Variants in LINC01488 observed in about 807,000 individuals in gnomAD.
The protein encoded by LINC01488 is long independently transcribed non-coding RNA 1488.
chr11:69,484,213 G>A (rs1312302483), intron 1 of LINC01488, among the ~76,000 whole-genome samples: 2 of 152,210 alleles, frequency 1.3e-5, no homozygotes, highest in Non-Finnish European at 2.9e-5. Flanking sequence ...CCAAGAAACA[G>A]ACAGGCCAGG....
intron 1 of LINC01488, among the ~76,000 whole-genome samples, chr11:69,487,519 TC>T (rs1857144431): frequency 6.6e-6 from 1 of 152,214 alleles, no homozygotes; most frequent in African/African-American, 2.4e-5. Flanking sequence ...CTCCGCCCTG[TC>T]CTCAGGAAGG....
At chr11:69,485,039 C>T (rs1857092474) in intron 1 of LINC01488, among the ~76,000 whole-genome samples, 2 of 152,234 alleles carry the variant, frequency 1.3e-5, no homozygotes, top group African/African-American at 4.8e-5. Context: ...GCCACCACCA[C>T]TCACCCCACA....
chr11:69,487,263 C>T (rs896048087), intron 1 of LINC01488, among the ~76,000 whole-genome samples: 4 of 152,134 alleles, frequency 2.6e-5, no homozygotes, highest in African/African-American at 9.7e-5. Context: ...GAGAGAGGGG[C>T]CTGGAAAGCC....
At chr11:69,485,350 G>A (rs1342235959) in intron 1 of LINC01488, among the ~76,000 whole-genome samples, 1 of 152,220 alleles carries the variant, frequency 6.6e-6, no homozygotes, top group Admixed American at 6.5e-5. Flanking sequence ...GGGCTCAGGA[G>A]TTCTTGGAGT....
At chr11:69,485,864 G>A (rs1050169009) in intron 1 of LINC01488, 1 of 152,252 alleles carries the variant, frequency 6.6e-6, no homozygotes, top group Non-Finnish European at 1.5e-5. Flanking sequence ...CTGCAGGGGC[G>A]AGGTAGCAGG....
chr11:69,493,207 C>G (rs1264074414), exon 4 of LINC01488: 6 of 152,224 alleles, frequency 3.9e-5, no homozygotes, highest in Admixed American at 3.9e-4. Flanking sequence ...GGCATTTTAA[C>G]CAACACCAGG....
intron 1 of LINC01488, among the ~76,000 whole-genome samples, chr11:69,488,987 G>A (rs913510604): frequency 6.6e-6 from 1 of 152,244 alleles, no homozygotes; most frequent in Non-Finnish European, 1.5e-5. Context: ...TGGGAGAGAT[G>A]ATGGGAAATC....
chr11:69,487,125 G>A (rs541401911), intron 1 of LINC01488, among the ~76,000 whole-genome samples: 45 of 152,236 alleles, frequency 3.0e-4, no homozygotes, highest in Non-Finnish European at 6.0e-4. Flanking sequence ...GTATTTTGGG[G>A]GTGTCCCCTA....
intron 1 of LINC01488, among the ~76,000 whole-genome samples, chr11:69,482,761 T>A (rs1023159213): frequency 6.6e-6 from 1 of 152,234 alleles, no homozygotes; most frequent in African/African-American, 2.4e-5. Flanking sequence ...CAGATGTTTC[T>A]TCTTTCACCG....
chr11:69,490,929 A>C (rs1447492379), intron 2 of LINC01488: 2 of 146,178 alleles, frequency 1.4e-5, no homozygotes, highest in African/African-American at 5.1e-5. Context: ...TACCCCTGCG[A>C]CTCTGCCCAA....
chr11:69,486,773 G>T (rs1471658454), intron 1 of LINC01488, among the ~76,000 whole-genome samples: 1 of 152,100 alleles, frequency 6.6e-6, no homozygotes, highest in Non-Finnish European at 1.5e-5. Flanking sequence ...TGGCAGGGCT[G>T]GGGCTCTGTG....
chr11:69,488,860 GCCAGCCTGGC>G (rs995619366), intron 1 of LINC01488, among the ~76,000 whole-genome samples: 1 of 152,176 alleles, frequency 6.6e-6, no homozygotes, highest in African/African-American at 2.4e-5. Context: ...GGAGGGTGAG[GCCAGCCTGGC>G]CCAGCCCTGC....
At chr11:69,485,506 C>A (rs1182126352) in intron 1 of LINC01488, 11 of 152,274 alleles carry the variant, frequency 7.2e-5, no homozygotes, top group Admixed American at 7.2e-4. Flanking sequence ...GAGGTGGGAC[C>A]CTCTCTTGGG....
At chr11:69,491,222 G>C (rs895209027) in exon 3 of LINC01488, 1 of 152,334 alleles carries the variant, frequency 6.6e-6, no homozygotes, top group African/African-American at 2.4e-5. Context: ...TGGGAGCAGG[G>C]ACACAGCATG....
intron 1 of LINC01488, chr11:69,487,800 G>A (rs1218139466): frequency 6.6e-6 from 1 of 152,154 alleles, no homozygotes; most frequent in Non-Finnish European, 1.5e-5. Context: ...TTGTCCAAAG[G>A]GAATCTTGTC....
intron 1 of LINC01488, among the ~76,000 whole-genome samples, chr11:69,486,946 G>T (rs1857131610): frequency 6.6e-6 from 1 of 152,228 alleles, no homozygotes. Flanking sequence ...TCCGGGCCCA[G>T]AGCTGCACGG....
intron 1 of LINC01488, among the ~76,000 whole-genome samples, chr11:69,482,492 G>A (rs1469307357): frequency 1.3e-5 from 2 of 151,764 alleles, no homozygotes; most frequent in Non-Finnish European, 2.9e-5. Flanking sequence ...AGATGGATGA[G>A]TGCATGAATG....
At chr11:69,485,723 G>A (rs879356195) in intron 1 of LINC01488, 5 of 152,268 alleles carry the variant, frequency 3.3e-5, no homozygotes, top group African/African-American at 9.6e-5. Flanking sequence ...TTGAGGTCAG[G>A]AGGCAAGTAC....
intron 1 of LINC01488, among the ~76,000 whole-genome samples, chr11:69,490,128 G>A (rs1214093593): frequency 6.6e-6 from 1 of 152,200 alleles, no homozygotes; most frequent in Non-Finnish European, 1.5e-5. Flanking sequence ...CCTCACACAT[G>A]CTCCTTGGAG....
Sources: allele counts gnomAD v4.1 joint callset (sites outside exome capture counted in the v4.1 genomes callset), GRCh38; gene constraint gnomAD v4.1.1; transcripts MANE v1.5; gene names NCBI Gene and HGNC (gene_info 2026-07-23, HGNC 2026-07-21).